ARHGAP6: variants seen among roughly 807,000 people sequenced by gnomAD.
ARHGAP6 encodes the protein rho GTPase-activating protein 6.
ARHGAP6 carries 16 observed loss-of-function variants against 55.7 expected under a neutral mutation model. That is an observed-to-expected ratio of 0.29 (90% CI 0.19 to 0.44). The LOEUF (loss-of-function observed/expected upper bound fraction) is 0.44, where lower values mean the gene tolerates loss of function less well. Among genes scored for constraint, ARHGAP6 ranks in the 20% least tolerant of loss-of-function variants. ARHGAP6 has a pLI of 1.00. For synonymous variants in ARHGAP6, 382 were observed against 360.9 expected, an observed-to-expected ratio of 1.06 and a Z score of -0.66; for missense variants, 698 against 808.9, an observed-to-expected ratio of 0.86 and a Z score of 1.66.
chrX:11,173,938 T>TTCA (rs1416446673), intron 8 of ARHGAP6, among the ~76,000 whole-genome samples: 2 of 111,457 alleles, frequency 1.8e-5, no homozygotes, highest in African/African-American at 6.5e-5. Context: ...TGCTTCAGGT[T>TTCA]TCATCTATGT....
At chrX:11,451,874 C>T (rs2050146666) in intron 1 of ARHGAP6, among the ~76,000 whole-genome samples, 1 of 112,370 alleles carries the variant, frequency 8.9e-6, no homozygotes, top group Non-Finnish European at 1.9e-5. Context: ...TGAAATGACT[C>T]TTTATGTTTG....
At chrX:11,342,313 G>A (rs1425095114) in intron 1 of ARHGAP6, among the ~76,000 whole-genome samples, 1 of 111,683 alleles carries the variant, frequency 9.0e-6, no homozygotes, top group Non-Finnish European at 1.9e-5. Context: ...ATCAATACCA[G>A]CACAACAGAA....
intron 1 of ARHGAP6, among the ~76,000 whole-genome samples, chrX:11,477,995 C>T (rs1184330753): frequency 8.9e-6 from 1 of 111,814 alleles, no homozygotes; most frequent in Non-Finnish European, 1.9e-5. Flanking sequence ...GCTAATCATA[C>T]TTCAATAAAA....
intron 1 of ARHGAP6, among the ~76,000 whole-genome samples, chrX:11,463,779 C>G (rs2050267723): frequency 8.9e-6 from 1 of 112,413 alleles, no homozygotes. Context: ...TGCGTGCTTC[C>G]CACAGACAGC....
chrX:11,159,384 G>C (rs774538118), intron 9 of ARHGAP6, among the ~76,000 whole-genome samples: 1 of 111,503 alleles, frequency 9.0e-6, no homozygotes, highest in South Asian at 3.8e-4. Flanking sequence ...GATCTACCCA[G>C]ATAAGATGAT....
At chrX:11,511,560 C>G (rs2050784720) in intron 1 of ARHGAP6, among the ~76,000 whole-genome samples, 1 of 112,251 alleles carries the variant, frequency 8.9e-6, no homozygotes, top group Non-Finnish European at 1.9e-5. Flanking sequence ...CTGAAGACAA[C>G]ATCGTTCCAT....
At chrX:11,550,402 A>G (rs1296485566) in intron 1 of ARHGAP6, among the ~76,000 whole-genome samples, 3 of 112,257 alleles carry the variant, frequency 2.7e-5, no homozygotes, top group Admixed American at 9.4e-5. Context: ...GATTGGAGAC[A>G]TGTTGCTCTA....
intron 1 of ARHGAP6, among the ~76,000 whole-genome samples, chrX:11,427,296 T>G (rs185026195): frequency 3.6e-4 from 41 of 112,436 alleles, no homozygotes; most frequent in African/African-American, 1.3e-3. Flanking sequence ...CCGTCCCAGA[T>G]GCAGTGACCA....
intron 10 of ARHGAP6, among the ~76,000 whole-genome samples, chrX:11,147,903 T>TC (rs2147272944): frequency 8.9e-6 from 1 of 112,323 alleles, no homozygotes; most frequent in East Asian, 2.8e-4. Context: ...GCTACAACTG[T>TC]CAGAGAAGTG....
intron 1 of ARHGAP6, among the ~76,000 whole-genome samples, chrX:11,531,706 A>C (rs1244975988): frequency 7.2e-5 from 8 of 111,765 alleles, no homozygotes; most frequent in Non-Finnish European, 1.1e-4. Flanking sequence ...ATCCATAGCT[A>C]TCCCAAGCTT....
intron 1 of ARHGAP6, among the ~76,000 whole-genome samples, chrX:11,567,566 A>AAAAAAAAAATATATATATATATATAT (rs1440758737): frequency 2.4e-5 from 2 of 84,403 alleles, no homozygotes; most frequent in Non-Finnish European, 2.3e-5. Flanking sequence ...AAAAAAAAAA[A>AAAAAAAAAATATATATATATATATAT]ATATATATAT....
rs1358785268 is a variant in ARHGAP6, at chrX:11,138,301, C to T, written c.*562G>A. 1 of 112,168 alleles carries T rather than the reference C, an allele frequency of 8.9e-6. No individual in the cohort carries two copies. The highest frequency in any genetic ancestry group is 1.9e-5 in the Non-Finnish European group (1 of 53,241). The allele number at this position is 112,168 out of a possible 1,213,427, so 9.2% of individuals were successfully genotyped here. ...AATATGGCTTCTCATATTCTGCTTCCTCTTGTTAGTGTTTGGTATCGAAGG... is the reference window on the plus strand; with the variant it reads ...AATATGGCTTCTCATATTCTGCTTCTTCTTGTTAGTGTTTGGTATCGAAGG... On this transcript the variant is annotated 3_prime_UTR_variant, in exon 13 of 13. Coordinates refer to ENST00000337414, the MANE Select transcript of ARHGAP6 (RefSeq NM_013427.3).
chrX:11,602,792 G>A (rs1402469742), intron 1 of ARHGAP6, among the ~76,000 whole-genome samples: 1 of 112,084 alleles, frequency 8.9e-6, no homozygotes, highest in African/African-American at 3.2e-5. Flanking sequence ...CCTCTGTGTG[G>A]TCAATTACCA....
At chrX:11,367,916 T>G in intron 1 of ARHGAP6, 1 of 349,994 alleles carries the variant, frequency 2.9e-6, no homozygotes, top group Non-Finnish European at 3.7e-6. Context: ...TTTCCTGCAC[T>G]GACCTGGAAC....
intron 9 of ARHGAP6, among the ~76,000 whole-genome samples, chrX:11,165,601 A>G (rs2046007204): frequency 8.9e-6 from 1 of 112,028 alleles, no homozygotes; most frequent in Non-Finnish European, 1.9e-5. Flanking sequence ...CAGTCCTGTA[A>G]ATTAGGTCAC....
intron 1 of ARHGAP6, among the ~76,000 whole-genome samples, chrX:11,590,458 CA>C (rs111698496): frequency 0.37 from 38,255 of 103,231 alleles, 5,645 homozygotes; most frequent in African/African-American, 0.53. Context: ...AATTATTAAA[CA>C]AAAAAAAAAT....
chrX:11,567,566 A>AAATATATATATATATATATAT (rs1440758737), intron 1 of ARHGAP6, among the ~76,000 whole-genome samples: 2 of 84,409 alleles, frequency 2.4e-5, no homozygotes, highest in African/African-American at 9.5e-5. Context: ...AAAAAAAAAA[A>AAATATATATATATATATATAT]ATATATATAT....
At chrX:11,516,380 A>G (rs780575385) in intron 1 of ARHGAP6, among the ~76,000 whole-genome samples, 1 of 111,537 alleles carries the variant, frequency 9.0e-6, no homozygotes, top group African/African-American at 3.3e-5. Context: ...CCTAAACTGA[A>G]ACTCTATTCC....
At chrX:11,476,929 T>A (rs1037097814) in intron 1 of ARHGAP6, among the ~76,000 whole-genome samples, 5 of 111,138 alleles carry the variant, frequency 4.5e-5, no homozygotes, top group African/African-American at 1.3e-4. Context: ...TTTCTTAAGA[T>A]ACAAGAAAAA....
Sources: gnomAD v4.1 joint callset for allele counts (sites outside exome capture counted in the v4.1 genomes callset) on GRCh38, gnomAD v4.1.1 for gene constraint, MANE v1.5 for transcripts, NCBI Gene and HGNC (gene_info 2026-07-23, HGNC 2026-07-21) for gene names.